Variants in CERS1 observed in about 807,000 individuals in gnomAD.
The protein encoded by CERS1 is Embryonic growth/differentiation factor 1.
In CERS1, 16 loss-of-function variants were observed where a neutral mutation model predicts 35.7. The observed-to-expected ratio is 0.45, with a 90% confidence interval of 0.30 to 0.68. The LOEUF (loss-of-function observed/expected upper bound fraction) is 0.68, where lower values mean the gene tolerates loss of function less well. CERS1 is among the 30% of genes least tolerant of loss of function. The pLI, the probability that CERS1 is intolerant of heterozygous loss-of-function variation, is 0.08. For synonymous variants in CERS1, 243 were observed against 201.6 expected, an observed-to-expected ratio of 1.21 and a Z score of -1.74; for missense variants, 454 against 453.9, an observed-to-expected ratio of 1.00 and a Z score of 0.00.
rs200704119 is a variant in CERS1, at chr19:18,886,320, C to T, written c.410-2053G>A. On this transcript the variant is annotated intron_variant, in intron 2 of 7. Transcript: ENST00000623882. The stretch of plus-strand genomic sequence containing the variant: ...ATCCCAGCACTTTGGGAGGCCGAGG[C>T]GGGCGGATCACAAGGTCAGGAGATC... 4.3e-3 allele frequency among the ~76,000 whole-genome samples: 657 copies of T among 152,206 alleles called. 4 individuals are homozygous for T. Among genetic ancestry groups the T allele is most frequent in the Non-Finnish European group, 8.3e-3 (564 of 68,010 alleles).
chr19:18,889,120 G>A (rs899888388), intron 2 of CERS1, among the ~76,000 whole-genome samples: 1 of 151,842 alleles, frequency 6.6e-6, no homozygotes, highest in South Asian at 2.1e-4. Flanking sequence ...TGGAACTCCC[G>A]GCCTCAAGTG....
In CERS1 at chr19:18,895,959, C is replaced by A; in HGVS notation, c.114G>T (p.Thr38=). ...GSALAAARGC[T]DCGWGLARRG... ...GACGCGCCAGCCCCCAGCCGCAGTC[C>A]GTGCAGCCCCGCGCCGCCGCCAGCG... Residue 38 remains threonine (T), a synonymous_variant, in exon 1 of 8, where the codon ACG becomes ACT. Transcript: ENST00000623882. This position sits in a 1 kb window ranked among gnomAD's most constrained non-coding sequence, Gnocchi z 6.4. 1.8e-6 allele frequency: 2 copies of A among 1,091,296 alleles called. No individual in the cohort carries two copies. The highest frequency in any genetic ancestry group is 4.2e-4 in the Middle Eastern group (1 of 2,396). The allele number at this position is 1,091,296 out of a possible 1,614,324, so 67.6% of individuals were successfully genotyped here.
At chr19:18,893,809 GC>G (rs1196158175) in intron 1 of CERS1, among the ~76,000 whole-genome samples, 1 of 152,038 alleles carries the variant, frequency 6.6e-6, no homozygotes, top group African/African-American at 2.4e-5. Context: ...GAGGGGGGAG[GC>G]CCCGAGGGGA....
At chr19:18,884,898 T>C (rs1568302256) in intron 2 of CERS1, among the ~76,000 whole-genome samples, 1 of 150,630 alleles carries the variant, frequency 6.6e-6, no homozygotes, top group Non-Finnish European at 1.5e-5. Context: ...GTATTTTTAG[T>C]AGAGATGGGC....
chr19:18,886,606 T>C lies in CERS1; in HGVS notation c.410-2339A>G, dbSNP rs568196693. ...AACAAAAAAAGGCGGGAAGCCATGC[T>C]GTGCTCTGCCCACACCAACCTGGAA... On this transcript the variant is annotated intron_variant, in intron 2 of 7. Coordinates refer to ENST00000623882, the MANE Select transcript of CERS1 (RefSeq NM_021267.5). Among the ~76,000 whole-genome samples the C allele has an allele frequency of 2.6e-5, 4 of 152,270 alleles. No homozygotes were observed. In the South Asian group the frequency reaches 8.3e-4, roughly 32 times the overall value.
At position 18,883,992 on chromosome 19, in the gene CERS1, C is replaced by T; in HGVS notation, c.590+95G>A. The T allele has an allele frequency of 2.2e-6, 3 of 1,334,326 alleles. No homozygotes were observed. In the South Asian group the frequency reaches 4.2e-5, roughly 19 times the overall value. The allele number at this position is 1,334,326 out of a possible 1,614,324, so 82.7% of individuals were successfully genotyped here. A position where few individuals can be genotyped will look rare whatever the true frequency, so the allele number is the denominator to read the frequency against. On this transcript the variant is annotated intron_variant, in intron 3 of 7. Transcript: ENST00000623882. ...CTGAGCACTCCGACCTGATGTGATC[C>T]CCTCCACGGCCTCCTCTGTGCCCCG...
intron 6 of CERS1, among the ~76,000 whole-genome samples, chr19:18,875,235 A>C (rs1319732554): frequency 9.2e-5 from 12 of 130,930 alleles, no homozygotes; most frequent in Admixed American, 8.7e-4. Context: ...GACCGTCTCT[A>C]AAAAAAAAAA....
chr19:18,870,408 G>T lies in CERS1; in HGVS notation c.*169C>A. The T allele has an allele frequency of 7.5e-7, 1 of 1,327,860 alleles. No individual in the cohort carries two copies. Among genetic ancestry groups the T allele is most frequent in the Non-Finnish European group, 1.0e-6 (1 of 963,492 alleles). 82.3% of individuals were successfully genotyped at this position (1,327,860 alleles called of 1,614,324 possible). Reference sequence around the variant, plus strand: ...GTGTCCCCGGAGGGGCAGGGGTCCTGGGGGGCGTGGCCGGGAACTGGAGGC... The same window carrying T: ...GTGTCCCCGGAGGGGCAGGGGTCCTTGGGGGCGTGGCCGGGAACTGGAGGC... On this transcript the variant is annotated 3_prime_UTR_variant, in exon 7 of 8. Transcript: ENST00000623882. This position sits in a 1 kb window ranked among gnomAD's most constrained non-coding sequence, Gnocchi z 5.1.
At chr19:18,879,062 C>T (rs760814077) in intron 5 of CERS1, 23 bp from the exon 6 acceptor site, 24 of 1,610,762 alleles carry the variant, frequency 1.5e-5, no homozygotes, top group Non-Finnish European at 2.0e-5. Flanking sequence ...AGGGGAGGTG[C>T]CAGTGAGAAG....
intron 7 of CERS1, among the ~76,000 whole-genome samples, chr19:18,869,639 T>C (rs562330513): frequency 7.9e-6 from 1 of 127,224 alleles, no homozygotes; most frequent in East Asian, 2.4e-4. Flanking sequence ...GTGGCCGAAG[T>C]GGGAGACATG....
chr19:18,890,782 G>C (rs1247922625), intron 2 of CERS1, among the ~76,000 whole-genome samples: 1 of 83,466 alleles, frequency 1.2e-5, no homozygotes, highest in African/African-American at 3.2e-5. Flanking sequence ...CCGCGTCTGG[G>C]GAAAAAAAAA....
intron 2 of CERS1, among the ~76,000 whole-genome samples, chr19:18,888,735 CAGG>C (rs2056421911): frequency 6.6e-6 from 1 of 151,552 alleles, no homozygotes; most frequent in South Asian, 2.1e-4. Context: ...GAGGCTGAGG[CAGG>C]AGAATTGCTT....
intron 6 of CERS1, among the ~76,000 whole-genome samples, chr19:18,871,970 G>T (rs899653334): frequency 3.3e-5 from 5 of 152,212 alleles, no homozygotes; most frequent in African/African-American, 1.2e-4. Flanking sequence ...TAAGGTGGGG[G>T]TTTGCCCTAA....
intron 2 of CERS1, 100 bp from the exon 3 acceptor site, chr19:18,884,367 TA>T: frequency 9.0e-7 from 1 of 1,111,430 alleles, no homozygotes. Context: ...GTCCTCCCAG[TA>T]CCCAGGTAAC....
At chr19:18,889,470 G>A (rs1472627777) in intron 2 of CERS1, among the ~76,000 whole-genome samples, 1 of 152,134 alleles carries the variant, frequency 6.6e-6, no homozygotes, top group Admixed American at 6.6e-5. Context: ...TGGCTGGAAT[G>A]TAGTGGTGCA....
intron 2 of CERS1, among the ~76,000 whole-genome samples, chr19:18,890,880 T>C (rs187554827): frequency 3.0e-4 from 46 of 151,354 alleles, no homozygotes; most frequent in African/African-American, 1.1e-3. Context: ...TCCTGACACT[T>C]TGGGAGGCTG....
chr19:18,888,914 CAG>C (rs1392648463), intron 2 of CERS1, among the ~76,000 whole-genome samples: 1 of 130,318 alleles, frequency 7.7e-6, no homozygotes, highest in African/African-American at 3.0e-5. Context: ...TTTTTTGAGA[CAG>C]AGTCTTGCTC....
chr19:18,874,819 A>G (rs1341600180), intron 6 of CERS1, among the ~76,000 whole-genome samples: 1 of 152,182 alleles, frequency 6.6e-6, no homozygotes, highest in Non-Finnish European at 1.5e-5. Flanking sequence ...AGAAGCAGCA[A>G]TGGGGTGAGA....
At chr19:18,885,906 C>T (rs952303986) in intron 2 of CERS1, among the ~76,000 whole-genome samples, 1 of 152,192 alleles carries the variant, frequency 6.6e-6, no homozygotes. Context: ...CGGCTGCCCA[C>T]GGAGTCTTGC....
Sources: allele counts gnomAD v4.1 joint callset (sites outside exome capture counted in the v4.1 genomes callset), GRCh38; gene constraint gnomAD v4.1.1; non-coding constraint Gnocchi (gnomAD v3.1); transcripts MANE v1.5; gene names NCBI Gene and HGNC (gene_info 2026-07-23, HGNC 2026-07-21).